The following SPATA6L variants were observed in gnomAD, a reference collection of about 807,000 sequenced individuals.
SPATA6L encodes the protein spermatogenesis associated 6 like.
Under a neutral mutation model 49.2 loss-of-function variants are expected in SPATA6L, and 68 were observed. That is an observed-to-expected ratio of 1.38 (90% CI 1.14 to 1.69). The LOEUF (loss-of-function observed/expected upper bound fraction) is 1.69, where lower values mean the gene tolerates loss of function less well. SPATA6L is among the 40% of genes most tolerant of loss of function. The pLI, the probability that SPATA6L is intolerant of heterozygous loss-of-function variation, is 0.00. For missense variants in SPATA6L, 668 were observed against 464.3 expected (o/e 1.44, Z -4.03); for synonymous variants, 198 against 165.7 (o/e 1.19, Z -1.50).
At chr9:4,621,582 G>C (rs968480321) in intron 7 of SPATA6L, among the ~76,000 whole-genome samples, 1 of 151,954 alleles carries the variant, frequency 6.6e-6, no homozygotes, top group Non-Finnish European at 1.5e-5. Flanking sequence ...TCTGCCTCCC[G>C]GGTTCAAGCG....
chr9:4,627,247 G>A (rs1192939975), intron 5 of SPATA6L: 1 of 153,968 alleles, frequency 6.5e-6, no homozygotes, highest in Non-Finnish European at 1.4e-5. Context: ...ATGGTAGAAT[G>A]GAAGAGAAAG....
rs910489787 is a variant in SPATA6L, at chr9:4,635,350, G to A, written c.276C>T (p.Phe92=). Residue 92 remains phenylalanine (F), a synonymous_variant, in exon 4 of 12, where the codon TTC becomes TTT. Coordinates refer to ENST00000682582, the MANE Select transcript of SPATA6L (RefSeq NM_001353486.2). ...GCGAAGGTGTCAGCTTGGGCTCTGG[G>A]AAAAGAAAATCTCGTGTGTTTTCTT... is the stretch of plus-strand genomic sequence containing the variant. The part of the protein sequence containing the change: ...YYEENTRDFL[F]PEPKLTPSHP... 2.5e-6 allele frequency: 4 copies of A among 1,589,414 alleles called. No homozygotes were observed. In the African/African-American group the frequency reaches 5.5e-5, roughly 22 times the overall value.
intron 3 of SPATA6L, among the ~76,000 whole-genome samples, chr9:4,645,875 C>T (rs991244616): frequency 1.2e-4 from 18 of 152,128 alleles, no homozygotes; most frequent in African/African-American, 4.1e-4. Context: ...TACAGAATTT[C>T]GTTTTGGGGT....
intron 7 of SPATA6L, among the ~76,000 whole-genome samples, chr9:4,621,800 T>C (rs1829372115): frequency 6.6e-6 from 1 of 152,246 alleles, no homozygotes; most frequent in East Asian, 1.9e-4. Context: ...AGTCTGTTCT[T>C]ATATTTTAAA....
At chr9:4,647,638 A>G (rs1057279825) in intron 3 of SPATA6L, among the ~76,000 whole-genome samples, 2 of 152,052 alleles carry the variant, frequency 1.3e-5, no homozygotes, top group South Asian at 4.1e-4. Context: ...AACTTTTTAA[A>G]CTTTTCTTGA....
In SPATA6L at chr9:4,625,490, T is replaced by G. The variant is rs1482330393; in HGVS notation, c.506A>C (p.Lys169Thr). ...TCTGTTGAGATTATTCTCCTTTAGT[T>G]TCATCTTTATAGTATTTAAGGGAAA... ...PIFPLNTIKM[K>T]LKENNLNRLP... The change falls in exon 6 of 12, where the codon AAA (lysine) becomes ACA (threonine). Residue 169 changes from lysine (K) to threonine (T), a missense_variant. Lys to Thr is a moderately conservative substitution (Grantham distance 78, BLOSUM62 -1). Transcript: ENST00000682582. 1.2e-6 allele frequency: 2 copies of G among 1,613,978 alleles called. No homozygotes were observed. Among genetic ancestry groups the G allele is most frequent in the East Asian group, 2.2e-5 (1 of 44,888 alleles).
intron 7 of SPATA6L, among the ~76,000 whole-genome samples, chr9:4,619,378 G>C (rs887975683): frequency 6.6e-6 from 1 of 151,800 alleles, no homozygotes; most frequent in Admixed American, 6.6e-5. Flanking sequence ...GGCTGGTCTC[G>C]AACTCCTGAC....
chr9:4,635,337 GC>G lies in SPATA6L; in HGVS notation c.288del (p.Lys96AsnfsTer2). 3.8e-6 allele frequency: 6 copies of G among 1,590,494 alleles called. No homozygotes were observed. The highest frequency in any genetic ancestry group is 5.1e-6 in the Non-Finnish European group (6 of 1,171,706). On this transcript the variant is annotated frameshift_variant, in exon 4 of 12. Transcript: ENST00000682582. LOFTEE classifies it high-confidence loss of function. ...NTRDFLFPEP[K>X]LTPSHPRRCR... ...CACCTCCTAGGGTGCGAAGGTGTCA[GC>G]TTGGGCTCTGGGAAAAGAAAATCTC...
At chr9:4,602,304 T>C (rs1823525492) in intron 11 of SPATA6L, among the ~76,000 whole-genome samples, 1 of 152,242 alleles carries the variant, frequency 6.6e-6, no homozygotes, top group South Asian at 2.1e-4. Flanking sequence ...ACCTAAATAA[T>C]TGCCTAGACG....
At chr9:4,615,776 A>G (rs935884763) in intron 9 of SPATA6L, among the ~76,000 whole-genome samples, 4 of 152,106 alleles carry the variant, frequency 2.6e-5, no homozygotes, top group Admixed American at 6.6e-5. Context: ...ATTGCCCCCA[A>G]CAGTTGCCCA....
At chr9:4,641,086 TACA>T (rs1833933507) in intron 3 of SPATA6L, among the ~76,000 whole-genome samples, 2 of 152,160 alleles carry the variant, frequency 1.3e-5, no homozygotes, top group African/African-American at 4.8e-5. Flanking sequence ...ATGTTGAAAA[TACA>T]TATTCTGCAA....
chr9:4,604,818 T>C (rs578242934), intron 10 of SPATA6L, among the ~76,000 whole-genome samples: 85 of 152,312 alleles, frequency 5.6e-4, no homozygotes, highest in Admixed American at 1.0e-3. Flanking sequence ...GCCACTTAGC[T>C]GTGTATCTGA....
chr9:4,635,423 T>A, intron 3 of SPATA6L, 24 bp from the exon 4 acceptor site: 12 of 1,569,484 alleles, frequency 7.6e-6, no homozygotes, highest in Non-Finnish European at 9.4e-6. Flanking sequence ...AGAAAAAGCA[T>A]AAATATCTGT....
chr9:4,593,229 T>C (rs1822019416), intron 13 of SPATA6L, among the ~76,000 whole-genome samples: 1 of 152,198 alleles, frequency 6.6e-6, no homozygotes, highest in Non-Finnish European at 1.5e-5. Flanking sequence ...CGTCACCTCT[T>C]TACAAGCTTT....
At chr9:4,660,018 C>G (rs1839236624) in intron 2 of SPATA6L, among the ~76,000 whole-genome samples, 1 of 152,318 alleles carries the variant, frequency 6.6e-6, no homozygotes, top group African/African-American at 2.4e-5. Context: ...ACACCTTATA[C>G]AAAAATTAAT....
intron 3 of SPATA6L, among the ~76,000 whole-genome samples, chr9:4,636,513 C>G (rs1166034295): frequency 6.6e-6 from 1 of 152,184 alleles, no homozygotes; most frequent in African/African-American, 2.4e-5. Flanking sequence ...GACCACACAG[C>G]AGGTGCCACA....
chr9:4,662,185 T>A lies in SPATA6L; in HGVS notation c.40-149A>T. On this transcript the variant is annotated intron_variant, in intron 1 of 11. Coordinates refer to ENST00000682582, the MANE Select transcript of SPATA6L (RefSeq NM_001353486.2). The surrounding 1 kb of genome is among the most constrained non-coding windows in gnomAD (Gnocchi z 4.9). ...TCACCTGTACCTCCCAACGCCAACA[T>A]CCTCCCCTCTGCTCTCCTCACATTG... 1 of 1,446,554 alleles carries A rather than the reference T, an allele frequency of 6.9e-7. No individual in the cohort carries two copies. Among genetic ancestry groups the A allele is most frequent in the East Asian group, 2.5e-5 (1 of 40,090 alleles). 89.6% of individuals were successfully genotyped at this position (1,446,554 alleles called of 1,614,324 possible). A position where few individuals can be genotyped will look rare whatever the true frequency, so the allele number is the denominator to read the frequency against.
chr9:4,608,920 G>A (rs944970228), intron 9 of SPATA6L, among the ~76,000 whole-genome samples: 1 of 152,098 alleles, frequency 6.6e-6, no homozygotes, highest in Non-Finnish European at 1.5e-5. Context: ...AAGAAAAAAA[G>A]AGAGAAGAAT....
intron 3 of SPATA6L, among the ~76,000 whole-genome samples, chr9:4,651,452 C>A (rs1356872896): frequency 6.6e-6 from 1 of 152,138 alleles, no homozygotes; most frequent in Non-Finnish European, 1.5e-5. Context: ...TATTCACAAC[C>A]TCTTCCAAAA....
Sources: gnomAD v4.1 joint callset for allele counts (sites outside exome capture counted in the v4.1 genomes callset) on GRCh38, gnomAD v4.1.1 for gene constraint, Gnocchi (gnomAD v3.1) non-coding constraint, MANE v1.5 for transcripts, NCBI Gene and HGNC (gene_info 2026-07-23, HGNC 2026-07-21) for gene names.